Variants in NEK11 observed in about 807,000 individuals in gnomAD.
NEK11 encodes the protein serine/threonine-protein kinase Nek11.
A neutral mutation model predicts 80.7 loss-of-function variants in NEK11; 72 were observed. The observed-to-expected ratio is 0.89, with a 90% CI of 0.74 to 1.08. The LOEUF is 1.08. Among genes scored for constraint, NEK11 ranks in the 50% least tolerant of loss-of-function variants. The pLI, the probability that NEK11 is intolerant of heterozygous loss-of-function variation, is 0.00. For synonymous variants in NEK11, 251 were observed against 260.7 expected, an observed-to-expected ratio of 0.96 and a Z score of 0.36; for missense variants, 764 against 763.6, an observed-to-expected ratio of 1.00 and a Z score of -0.01.
chr3:131,107,461 C>G (rs993831507), intron 4 of NEK11, among the ~76,000 whole-genome samples: 3 of 151,982 alleles, frequency 2.0e-5, no homozygotes, highest in Non-Finnish European at 2.9e-5. Flanking sequence ...TCTTCATCCT[C>G]TTCTCTCTCC....
At chr3:131,146,240 T>C (rs774537287) in intron 7 of NEK11, among the ~76,000 whole-genome samples, 45 of 152,110 alleles carry the variant, frequency 3.0e-4, no homozygotes, top group Non-Finnish European at 3.8e-4. Context: ...TACTTGGACT[T>C]GCAAATTTGA....
At chr3:131,155,350 G>T (rs767693325) in intron 10 of NEK11, among the ~76,000 whole-genome samples, 2 of 152,170 alleles carry the variant, frequency 1.3e-5, no homozygotes, top group South Asian at 2.1e-4. Context: ...TTACAGATCT[G>T]CAGGGTAGCT....
intron 17 of NEK11, among the ~76,000 whole-genome samples, chr3:131,282,388 AG>A (rs1252329290): frequency 4.2e-5 from 6 of 142,730 alleles, no homozygotes; most frequent in Non-Finnish European, 8.8e-5. Context: ...GAGGAAGATG[AG>A]GGGTAAGGTG....
intron 3 of NEK11, among the ~76,000 whole-genome samples, chr3:131,034,548 C>T (rs1056913029): frequency 1.8e-4 from 27 of 152,226 alleles, no homozygotes; most frequent in Non-Finnish European, 3.2e-4. Flanking sequence ...TACAGGCGCC[C>T]GCCACCACAC....
chr3:131,131,315 A>G (rs1560555371), intron 5 of NEK11, among the ~76,000 whole-genome samples: 1 of 152,152 alleles, frequency 6.6e-6, no homozygotes, highest in Non-Finnish European at 1.5e-5. Flanking sequence ...TCTTCCTTAA[A>G]TATTTGGTAG....
At chr3:131,136,821 A>G (rs2085680039) in intron 7 of NEK11, among the ~76,000 whole-genome samples, 1 of 152,216 alleles carries the variant, frequency 6.6e-6, no homozygotes, top group Non-Finnish European at 1.5e-5. Flanking sequence ...CCACAGGAGA[A>G]ATACAAATAT....
At chr3:131,111,815 T>G (rs1275269753) in intron 5 of NEK11, among the ~76,000 whole-genome samples, 1 of 152,186 alleles carries the variant, frequency 6.6e-6, no homozygotes, top group Non-Finnish European at 1.5e-5. Context: ...AAATATGCAT[T>G]CAGATATTAG....
intron 10 of NEK11, 89 bp downstream of exon 10, chr3:131,155,210 G>T: frequency 1.2e-6 from 1 of 805,528 alleles, no homozygotes; most frequent in African/African-American, 1.7e-5. Context: ...TAAACTGACT[G>T]CATCGAGTAT....
At chr3:131,126,959 CTTTTTTTTTTTTTT>C (rs71133688) in intron 5 of NEK11, among the ~76,000 whole-genome samples, 1 of 90,118 alleles carries the variant, frequency 1.1e-5, no homozygotes, top group South Asian at 3.8e-4. Context: ...TTCTTTCTTT[CTTTTTTTTTTTTTT>C]TTTTTTTTTG....
intron 14 of NEK11, among the ~76,000 whole-genome samples, chr3:131,185,968 A>G (rs746013204): frequency 7.9e-5 from 12 of 152,210 alleles, no homozygotes; most frequent in Non-Finnish European, 1.3e-4. Context: ...TCTCATCTGT[A>G]TAATGGGAAT....
At position 131,213,135 on chromosome 3, in the gene NEK11, C is replaced by T. The variant is rs191015718; in HGVS notation, c.1400-15393C>T. Among the ~76,000 whole-genome samples, 519 of 152,166 alleles carry T rather than the reference C, an allele frequency of 3.4e-3. 2 individuals carry two copies. The highest frequency in any genetic ancestry group is 0.012 in the African/African-American group (491 of 41,528). ...ACCTTGCAGATTTTGGACTTGCCAGCCCCCATAATTGCGTGAATGTGAACC... is the reference window on the plus strand; with the variant it reads ...ACCTTGCAGATTTTGGACTTGCCAGTCCCCATAATTGCGTGAATGTGAACC... On this transcript the variant is annotated intron_variant, in intron 14 of 17. Coordinates refer to ENST00000383366, the MANE Select transcript of NEK11 (RefSeq NM_024800.5).
intron 5 of NEK11, among the ~76,000 whole-genome samples, chr3:131,118,659 T>A (rs1424286128): frequency 1.3e-5 from 2 of 152,234 alleles, no homozygotes; most frequent in African/African-American, 4.8e-5. Context: ...AGCCTGTTAT[T>A]AGTCTATTCA....
intron 3 of NEK11, among the ~76,000 whole-genome samples, chr3:131,047,982 TC>T (rs2067684404): frequency 6.6e-6 from 1 of 152,154 alleles, no homozygotes; most frequent in Admixed American, 6.5e-5. Context: ...GGTGTGGTTC[TC>T]AGGCCAGTGG....
At chr3:131,335,769 G>T (rs1288984716) in intron 17 of NEK11, among the ~76,000 whole-genome samples, 2 of 152,222 alleles carry the variant, frequency 1.3e-5, no homozygotes, top group Non-Finnish European at 2.9e-5. Context: ...CTTCAGCAAA[G>T]TCTCAGGATA....
chr3:131,301,008 G>A (rs1277539115), intron 17 of NEK11, among the ~76,000 whole-genome samples: 1 of 152,150 alleles, frequency 6.6e-6, no homozygotes, highest in Non-Finnish European at 1.5e-5. Context: ...TCCTAATCAT[G>A]AGTATGAAAT....
chr3:131,267,088 A>G (rs768928704), intron 16 of NEK11, among the ~76,000 whole-genome samples: 12 of 152,182 alleles, frequency 7.9e-5, no homozygotes, highest in Non-Finnish European at 4.4e-5. Flanking sequence ...GTGTCTCTGC[A>G]TGTGAGATGG....
chr3:131,212,583 G>C (rs2094671887), intron 14 of NEK11, among the ~76,000 whole-genome samples: 1 of 152,194 alleles, frequency 6.6e-6, no homozygotes, highest in South Asian at 2.1e-4. Context: ...CTGTAGACTG[G>C]AACTGTTTCT....
chr3:131,239,882 A>C (rs1402520183), intron 15 of NEK11, among the ~76,000 whole-genome samples: 2 of 152,128 alleles, frequency 1.3e-5, no homozygotes, highest in Admixed American at 1.3e-4. Context: ...AACAATATAC[A>C]TAATATTATA....
chr3:131,325,768 C>T (rs1259686033), intron 17 of NEK11: 2 of 152,198 alleles, frequency 1.3e-5, no homozygotes, highest in Non-Finnish European at 2.9e-5. Flanking sequence ...CCAGTGTACA[C>T]ACTGGTGAAA....
Sources: gnomAD v4.1 joint callset for allele counts (sites outside exome capture counted in the v4.1 genomes callset) on GRCh38, gnomAD v4.1.1 for gene constraint, MANE v1.5 for transcripts, NCBI Gene and HGNC (gene_info 2026-07-23, HGNC 2026-07-21) for gene names.